The following ADAM10 variants were observed in gnomAD, a reference collection of about 807,000 sequenced individuals.
ADAM10 encodes ADAM metallopeptidase domain 10, also known as disintegrin and metalloproteinase domain-containing protein 10.
In ADAM10, 17 loss-of-function variants were observed where a neutral mutation model predicts 90.1. The ratio of observed to expected loss-of-function variants is 0.19; its 90% CI spans 0.13 to 0.28. The LOEUF (loss-of-function observed/expected upper bound fraction) is 0.28, where lower values mean the gene tolerates loss of function less well. Ranked by LOEUF, ADAM10 falls within the 10% of genes least tolerant of loss-of-function variation. The probability of loss-of-function intolerance (pLI) is 1.00; values close to 1 mark genes in which losing one functional copy is unlikely to be tolerated. For synonymous variants in ADAM10, 310 were observed against 298.6 expected (o/e 1.04, Z -0.40); for missense variants, 610 against 914.3 (o/e 0.67, Z 4.29).
intron 11 of ADAM10, among the ~76,000 whole-genome samples, chr15:58,619,293 G>C (rs1243651990): frequency 6.6e-6 from 1 of 152,214 alleles, no homozygotes; most frequent in East Asian, 1.9e-4. Context: ...ATCTCATAGA[G>C]GTTAGAGAGT....
chr15:58,615,836 C>A (rs187690856), intron 11 of ADAM10, among the ~76,000 whole-genome samples: 133 of 152,128 alleles, frequency 8.7e-4, no homozygotes, highest in Non-Finnish European at 1.6e-3. Flanking sequence ...GGCAAAACCC[C>A]GTCTCTATTA....
intron 5 of ADAM10, among the ~76,000 whole-genome samples, chr15:58,664,040 CTACT>C (rs1488250233): frequency 6.6e-6 from 1 of 152,104 alleles, no homozygotes; most frequent in East Asian, 1.9e-4. Flanking sequence ...CTCCTAAAAT[CTACT>C]CTTAAACTCT....
At chr15:58,652,291 T>G (rs1896707705) in intron 5 of ADAM10, among the ~76,000 whole-genome samples, 1 of 152,194 alleles carries the variant, frequency 6.6e-6, no homozygotes, top group African/African-American at 2.4e-5. Flanking sequence ...TGCCTGTGCT[T>G]ATGGGGTTTT....
At position 58,589,069 on chromosome 15, in the gene ADAM10, T is replaced by C. The variant is rs1283464134; in HGVS notation, c.*8478A>G. 1 of 152,260 alleles carries C rather than the reference T, an allele frequency of 6.6e-6. No homozygotes were observed. The highest frequency in any genetic ancestry group is 2.4e-5 in the African/African-American group (1 of 41,476). The allele number at this position is 152,260 out of a possible 1,614,324, so 9.4% of individuals were successfully genotyped here. A position where few individuals can be genotyped will look rare whatever the true frequency, so the allele number is the denominator to read the frequency against. ...AAGTTAAAAATACAGCTGTTGGTAATGTGTTGTAATGAAACTAACTTTTGT... is the reference window on the plus strand; with the variant it reads ...AAGTTAAAAATACAGCTGTTGGTAACGTGTTGTAATGAAACTAACTTTTGT... On this transcript the variant is annotated 3_prime_UTR_variant, in exon 16 of 16. Transcript: ENST00000260408.
intron 14 of ADAM10, among the ~76,000 whole-genome samples, chr15:58,605,544 T>C (rs1309633541): frequency 6.6e-6 from 1 of 152,188 alleles, no homozygotes; most frequent in Non-Finnish European, 1.5e-5. Flanking sequence ...ACTAGGGTAG[T>C]AAATGTAAAA....
chr15:58,723,306 T>A (rs1898919158), intron 1 of ADAM10, among the ~76,000 whole-genome samples: 2 of 151,290 alleles, frequency 1.3e-5, no homozygotes, highest in South Asian at 4.2e-4. Context: ...GAAACGTGAA[T>A]AAAACACAAA....
chr15:58,633,797 C>G (rs1896169362), intron 8 of ADAM10, among the ~76,000 whole-genome samples: 2 of 151,442 alleles, frequency 1.3e-5, no homozygotes, highest in Admixed American at 1.3e-4. Flanking sequence ...CTGAGAAAGT[C>G]ACTTCTACAA....
chr15:58,729,701 C>G (rs1360559211), intron 1 of ADAM10, among the ~76,000 whole-genome samples: 1 of 152,146 alleles, frequency 6.6e-6, no homozygotes, highest in South Asian at 2.1e-4. Flanking sequence ...CAGGGGCTCA[C>G]GCTTGTAATC....
intron 8 of ADAM10, among the ~76,000 whole-genome samples, chr15:58,639,593 T>C (rs1429339253): frequency 2.0e-5 from 3 of 152,080 alleles, no homozygotes; most frequent in Admixed American, 6.5e-5. Flanking sequence ...GTACAGATTA[T>C]CATAAAAGAC....
At chr15:58,744,643 T>C (rs1475122132) in intron 1 of ADAM10, among the ~76,000 whole-genome samples, 2 of 152,232 alleles carry the variant, frequency 1.3e-5, no homozygotes, top group Non-Finnish European at 1.5e-5. Context: ...AAGGTTAAAT[T>C]CAGTCCATTT....
At chr15:58,637,114 T>C (rs7174386) in intron 8 of ADAM10, among the ~76,000 whole-genome samples, 27,678 of 152,236 alleles carry the variant, frequency 0.18, 2,840 homozygotes, top group East Asian at 0.4. Flanking sequence ...CAATAAGCTG[T>C]GGGTTATCCC....
intron 8 of ADAM10, among the ~76,000 whole-genome samples, chr15:58,636,085 T>A (rs1896242335): frequency 6.6e-6 from 1 of 152,100 alleles, no homozygotes; most frequent in Admixed American, 6.5e-5. Flanking sequence ...GAGACCAGCA[T>A]AACCAACATG....
chr15:58,722,828 C>T (rs1389759302), intron 1 of ADAM10, among the ~76,000 whole-genome samples: 3 of 146,850 alleles, frequency 2.0e-5, no homozygotes, highest in Non-Finnish European at 4.4e-5. Context: ...ACCTCCAGGG[C>T]TCAGGTGATT....
intron 1 of ADAM10, among the ~76,000 whole-genome samples, chr15:58,738,507 C>A (rs539599207): frequency 1.3e-5 from 2 of 152,328 alleles, no homozygotes; most frequent in Non-Finnish European, 2.9e-5. Flanking sequence ...CAAACAGCTA[C>A]ACCTAACAGT....
intron 1 of ADAM10, among the ~76,000 whole-genome samples, chr15:58,740,347 TGCA>T (rs1899566497): frequency 6.6e-6 from 1 of 151,108 alleles, no homozygotes; most frequent in African/African-American, 2.4e-5. Context: ...AGGCAGGGGC[TGCA>T]GTGAGCCAAG....
At chr15:58,659,529 A>T (rs563435888) in intron 5 of ADAM10, among the ~76,000 whole-genome samples, 1 of 152,254 alleles carries the variant, frequency 6.6e-6, no homozygotes, top group East Asian at 1.9e-4. Flanking sequence ...TTCTAATGTT[A>T]ATCAATTTTG....
intron 1 of ADAM10, among the ~76,000 whole-genome samples, chr15:58,719,425 A>AG (rs1898771150): frequency 6.6e-6 from 1 of 152,216 alleles, no homozygotes; most frequent in African/African-American, 2.4e-5. Context: ...CTTCAAGAGA[A>AG]GAAAAAAAAA....
intron 7 of ADAM10, among the ~76,000 whole-genome samples, chr15:58,642,361 A>G (rs1363577517): frequency 6.6e-6 from 1 of 151,956 alleles, no homozygotes; most frequent in Non-Finnish European, 1.5e-5. Flanking sequence ...GCTACTCGGG[A>G]GGCTGAGGTG....
At chr15:58,743,893 C>A (rs1220761199) in intron 1 of ADAM10, among the ~76,000 whole-genome samples, 1 of 152,220 alleles carries the variant, frequency 6.6e-6, no homozygotes, top group African/African-American at 2.4e-5. Context: ...CAGGCGTAAG[C>A]CACTGTGTCT....
Sources: allele counts gnomAD v4.1 joint callset (sites outside exome capture counted in the v4.1 genomes callset), GRCh38; gene constraint gnomAD v4.1.1; transcripts MANE v1.5; gene names NCBI Gene and HGNC (gene_info 2026-07-23, HGNC 2026-07-21).